GRXCR2: variants seen among roughly 807,000 people sequenced by gnomAD.
The protein encoded by GRXCR2 is glutaredoxin and cysteine rich domain containing 2.
GRXCR2 carries 23 observed loss-of-function variants against 24.8 expected under a neutral mutation model. That is an observed-to-expected ratio of 0.93 (90% CI 0.67 to 1.32). The LOEUF (loss-of-function observed/expected upper bound fraction) is 1.32, where lower values mean the gene tolerates loss of function less well. GRXCR2 is among the 40% of genes most tolerant of loss of function. The pLI is 0.00. For synonymous variants in GRXCR2, 130 were observed against 116.1 expected (o/e 1.12, Z -0.77); for missense variants, 315 against 303.4 (o/e 1.04, Z -0.28).
chr5:145,898,516 T>C lies in GRXCR2; in HGVS notation c.-69-31788A>G, dbSNP rs888552401. ...TATAGGCCAATATCCCTGATGAATATACATACAAAAATCCTTTAAAAAATA... is the reference window on the plus strand; with the variant it reads ...TATAGGCCAATATCCCTGATGAATACACATACAAAAATCCTTTAAAAAATA... On this transcript the variant is annotated intron_variant, in intron 2 of 3. Transcript: ENST00000639411. 5.3e-5 allele frequency among the ~76,000 whole-genome samples: 8 copies of C among 152,178 alleles called. No homozygotes were observed. The East Asian group carries it at 1.2e-3, about 22-fold the overall frequency.
At chr5:145,891,710 G>C (rs563419548) in intron 2 of GRXCR2, among the ~76,000 whole-genome samples, 15 of 152,340 alleles carry the variant, frequency 9.8e-5, no homozygotes, top group African/African-American at 3.6e-4. Flanking sequence ...TCTGGGGGCA[G>C]GGCATAGCCA....
intron 2 of GRXCR2, among the ~76,000 whole-genome samples, chr5:145,881,625 C>T (rs1047094906): frequency 1.3e-5 from 2 of 152,128 alleles, no homozygotes; most frequent in Admixed American, 6.5e-5. Context: ...AGATTCAATG[C>T]CATCCGCTAC....
At chr5:145,874,470 G>A (rs1388903312), upstream of GRXCR2, among the ~76,000 whole-genome samples, 1 of 152,130 alleles carries the variant, frequency 6.6e-6, no homozygotes, top group African/African-American at 2.4e-5. Flanking sequence ...CCAAAGTGCT[G>A]GGACTACAGG....
chr5:145,885,664 A>G (rs973650207), intron 2 of GRXCR2, among the ~76,000 whole-genome samples: 2 of 152,252 alleles, frequency 1.3e-5, no homozygotes, highest in Non-Finnish European at 2.9e-5. Flanking sequence ...TGTTTAAGAT[A>G]CTAATATACT....
chr5:145,917,503 G>T (rs1419694224), intron 2 of GRXCR2, among the ~76,000 whole-genome samples: 1 of 152,086 alleles, frequency 6.6e-6, no homozygotes, highest in Non-Finnish European at 1.5e-5. Flanking sequence ...CAGAATGTCT[G>T]CTGAGTGCCA....
intron 2 of GRXCR2, among the ~76,000 whole-genome samples, chr5:145,903,554 C>A (rs1757052136): frequency 6.6e-6 from 1 of 151,940 alleles, no homozygotes; most frequent in Admixed American, 6.6e-5. Context: ...AGCTCAGATC[C>A]CAACTTAGTT....
intron 2 of GRXCR2, among the ~76,000 whole-genome samples, chr5:145,912,289 G>A (rs1393241728): frequency 6.6e-6 from 1 of 152,180 alleles, no homozygotes; most frequent in Non-Finnish European, 1.5e-5. Flanking sequence ...TGTGGGGCAG[G>A]AGCTGTGGGA....
At chr5:145,907,240 T>C (rs373449469) in intron 2 of GRXCR2, among the ~76,000 whole-genome samples, 4 of 152,040 alleles carry the variant, frequency 2.6e-5, no homozygotes, top group Admixed American at 6.6e-5. Flanking sequence ...TTTAAAACGA[T>C]TGCCCTGGCG....
At chr5:145,914,582 A>C (rs1757210372) in intron 2 of GRXCR2, among the ~76,000 whole-genome samples, 1 of 150,658 alleles carries the variant, frequency 6.6e-6, no homozygotes. Flanking sequence ...AGGCAGAGAC[A>C]GGAGAATCAC....
Position 145,866,589 on chromosome 5 carries a change from T to G in GRXCR2, c.476A>C (p.Asn159Thr). 6.2e-7 allele frequency: 1 copy of G among 1,614,162 alleles called. No individual in the cohort carries two copies. The highest frequency in any genetic ancestry group is 8.5e-7 in the Non-Finnish European group (1 of 1,179,988). The part of the protein sequence containing the change: ...EEEAEEESLM[N>T]KEESYGGRDQ... ...CCTGCCTCCATAGCTTTCTTCTTTG[T>G]TCATCAGAGACTCTTCCTCAGCCTC... is the stretch of plus-strand genomic sequence containing the variant. Residue 159 changes from asparagine (N) to threonine (T), a missense_variant, in exon 2 of 3, where the codon AAC (asparagine) becomes ACC (threonine). Asn to Thr is a moderately conservative substitution (Grantham distance 65, BLOSUM62 0). Coordinates refer to ENST00000377976, the MANE Select transcript of GRXCR2 (RefSeq NM_001080516.2).
intron 2 of GRXCR2, among the ~76,000 whole-genome samples, chr5:145,889,613 G>A (rs550936872): frequency 8.5e-5 from 13 of 152,218 alleles, no homozygotes; most frequent in South Asian, 6.2e-4. Flanking sequence ...TAGAAGTACC[G>A]GTGTCTCCAG....
At chr5:145,878,121 A>C (rs1390040002) in intron 2 of GRXCR2, among the ~76,000 whole-genome samples, 1 of 152,192 alleles carries the variant, frequency 6.6e-6, no homozygotes, top group African/African-American at 2.4e-5. Flanking sequence ...AAATTCTAAA[A>C]ACCACAGTGC....
At chr5:145,929,041 T>C (rs1043876486) in intron 2 of GRXCR2, among the ~76,000 whole-genome samples, 45 of 151,782 alleles carry the variant, frequency 3.0e-4, no homozygotes, top group African/African-American at 1.0e-3. Flanking sequence ...TTGGCATGCA[T>C]TCTCCTAGTC....
intron 2 of GRXCR2, among the ~76,000 whole-genome samples, chr5:145,918,286 C>T (rs1757268128): frequency 6.6e-6 from 1 of 152,166 alleles, no homozygotes; most frequent in Non-Finnish European, 1.5e-5. Flanking sequence ...TTCATTCCCA[C>T]TTTACGGAGG....
downstream of GRXCR2, among the ~76,000 whole-genome samples, chr5:145,858,358 C>A (rs1425308793): frequency 6.6e-6 from 1 of 150,880 alleles, no homozygotes; most frequent in Non-Finnish European, 1.5e-5. Context: ...CAACATCCCT[C>A]CTTCCTCTAG....
Position 145,885,119 on chromosome 5 carries a change from GTGTC to G in GRXCR2, c.-69-18395_-69-18392del, listed in dbSNP as rs1233343895. The stretch of plus-strand genomic sequence containing the variant: ...TGTCTGTGTGTGTGTGTGTGTGTGT[GTGTC>G]TGTCTGTCTGTCTGTCTGTGTGTAT... On this transcript the variant is annotated intron_variant, in intron 2 of 3. Coordinates refer to the GRXCR2 transcript ENST00000639411. Among the ~76,000 whole-genome samples the G allele has an allele frequency of 2.5e-3, 374 of 151,692 alleles. 2 individuals carry two copies. The highest frequency in any genetic ancestry group is 3.5e-3 in the Middle Eastern group (1 of 288).
In GRXCR2 at chr5:145,866,656, C is replaced by A; in HGVS notation, c.409G>T (p.Asp137Tyr). 1.2e-6 allele frequency: 2 copies of A among 1,613,910 alleles called. No individual in the cohort carries two copies. The highest frequency in any genetic ancestry group is 1.7e-6 in the Non-Finnish European group (2 of 1,179,808). The stretch of plus-strand genomic sequence containing the variant: ...ATTTTCCTCACAAAATCTCTCTTGT[C>A]CATTGGGGTTCGAATGATTTTCAGG... ...NNLKIIRTPMDKRDFVRKILQ... is the reference protein window; with the variant it reads ...NNLKIIRTPMYKRDFVRKILQ... Residue 137 changes from aspartate (D) to tyrosine (Y), a missense_variant, in exon 2 of 3, where the codon GAC becomes TAC. Coordinates refer to ENST00000377976, the MANE Select transcript of GRXCR2 (RefSeq NM_001080516.2).
intron 2 of GRXCR2, among the ~76,000 whole-genome samples, chr5:145,924,108 T>A (rs1220182718): frequency 6.6e-6 from 1 of 152,000 alleles, no homozygotes; most frequent in Non-Finnish European, 1.5e-5. Context: ...CATGGAGAGA[T>A]GAACTGCCCA....
At position 145,859,928 on chromosome 5, in the gene GRXCR2, G is replaced by C; in HGVS notation, c.565-13C>G. On this transcript the variant is annotated splice_polypyrimidine_tract_variant and intron_variant, in intron 2 of 2. Coordinates refer to ENST00000377976, the MANE Select transcript of GRXCR2 (RefSeq NM_001080516.2). ...GAATATCCCCTTCCTGCAAGAGACA[G>C]GTTAGGGTTTAGTTAAAGCAGCAGT... The C allele has an allele frequency of 1.3e-6, 2 of 1,548,332 alleles. No homozygotes were observed. The highest frequency in any genetic ancestry group is 1.7e-6 in the Non-Finnish European group (2 of 1,147,394).
Sources: allele counts gnomAD v4.1 joint callset (sites outside exome capture counted in the v4.1 genomes callset), GRCh38; gene constraint gnomAD v4.1.1; transcripts MANE v1.5; gene names NCBI Gene and HGNC (gene_info 2026-07-23, HGNC 2026-07-21).